The following ARHGEF18 variants were observed in gnomAD, a reference collection of about 807,000 sequenced individuals.
The protein encoded by ARHGEF18 is Rho/Rac guanine nucleotide exchange factor 18, also known as rho guanine nucleotide exchange factor 18.
A neutral mutation model predicts 155.7 loss-of-function variants in ARHGEF18; 93 were observed. That is an observed-to-expected ratio of 0.60 (90% CI 0.50 to 0.71). The LOEUF (loss-of-function observed/expected upper bound fraction) is 0.71. Among genes scored for constraint, ARHGEF18 ranks in the 30% least tolerant of loss-of-function variants. The pLI is 0.00. For synonymous variants in ARHGEF18, 742 were observed against 753.1 expected (o/e 0.99, Z 0.24); for missense variants, 1,593 against 1,816.1 (o/e 0.88, Z 2.23).
At chr19:7,456,924 C>T (rs1028194977) in intron 18 of ARHGEF18, among the ~76,000 whole-genome samples, 14 of 151,972 alleles carry the variant, frequency 9.2e-5, no homozygotes, top group Middle Eastern at 3.4e-3. Flanking sequence ...TTAGTAGAGA[C>T]GGGGTTTCAC....
chr19:7,356,998 G>A (rs1969334070), intron 1 of ARHGEF18, among the ~76,000 whole-genome samples: 1 of 152,180 alleles, frequency 6.6e-6, no homozygotes, highest in African/African-American at 2.4e-5. Flanking sequence ...GGGGAGAGAG[G>A]ATGGCCTGGG....
At chr19:7,392,936 A>G (rs1971484328) in intron 10 of ARHGEF18, among the ~76,000 whole-genome samples, 1 of 148,546 alleles carries the variant, frequency 6.7e-6, no homozygotes, top group African/African-American at 2.5e-5. Flanking sequence ...GGTCCCAGCT[A>G]CTTGGGAGGC....
intron 10 of ARHGEF18, chr19:7,439,752 C>A: frequency 7.2e-7 from 1 of 1,391,336 alleles, no homozygotes; most frequent in Non-Finnish European, 9.3e-7. Flanking sequence ...GATTAATTAT[C>A]ATCATGTGCG....
chr19:7,401,832 G>A (rs1054164204), intron 10 of ARHGEF18, among the ~76,000 whole-genome samples: 1 of 152,100 alleles, frequency 6.6e-6, no homozygotes, highest in African/African-American at 2.4e-5. Context: ...CAACCTAAAT[G>A]TTCATCAGCT....
intron 10 of ARHGEF18, among the ~76,000 whole-genome samples, chr19:7,385,818 GATCTAT>G (rs1970981870): frequency 1.0e-5 from 1 of 97,620 alleles, no homozygotes; most frequent in African/African-American, 5.3e-5. Context: ...TTAGAGATAG[GATCTAT>G]CTCTCTCTAT....
intron 1 of ARHGEF18, among the ~76,000 whole-genome samples, chr19:7,360,954 G>A (rs1473681579): frequency 6.6e-6 from 1 of 152,164 alleles, no homozygotes; most frequent in East Asian, 1.9e-4. Flanking sequence ...GCTCGTTACT[G>A]TCCAGCCACT....
intron 10 of ARHGEF18, chr19:7,390,643 T>C (rs1173831070): frequency 6.6e-6 from 1 of 152,228 alleles, no homozygotes; most frequent in African/African-American, 2.4e-5. Flanking sequence ...CTTCATTTTT[T>C]GTTATTGTCA....
intron 22 of ARHGEF18, 88 bp downstream of exon 22, chr19:7,464,043 T>G: frequency 6.9e-7 from 1 of 1,447,682 alleles, no homozygotes; most frequent in East Asian, 2.5e-5. Context: ...GAACTTTCTT[T>G]TTTGTTGTTG....
chr19:7,447,297 T>C (rs1975060935), intron 15 of ARHGEF18, 129 bp downstream of exon 15: 2 of 783,192 alleles, frequency 2.6e-6, no homozygotes, highest in Non-Finnish European at 3.8e-6. Context: ...GAGACCGTCC[T>C]GGCCAACATG....
chr19:7,392,240 CA>C (rs3997574), intron 10 of ARHGEF18, among the ~76,000 whole-genome samples: 18,814 of 72,024 alleles, frequency 0.26, 619 homozygotes, highest in East Asian at 0.39. Context: ...GACTCCGTCT[CA>C]AAAAAAAAAA....
rs1037958722 is a variant in ARHGEF18, at chr19:7,383,168, G to A, written c.932G>A (p.Ser311Asn). 1.7e-5 allele frequency: 21 copies of A among 1,232,266 alleles called. No homozygotes were observed. Among genetic ancestry groups the A allele is most frequent in the Middle Eastern group, 6.2e-4 (2 of 3,208 alleles). The allele number at this position is 1,232,266 out of a possible 1,614,324, so 76.3% of individuals were successfully genotyped here. A position where few individuals can be genotyped will look rare whatever the true frequency, so the allele number is the denominator to read the frequency against. ...CAAGGGACCTTCTCCGGCCCCTCCA[G>A]CTGCCCCCTGTGTGGCAAACCTTTC... ...LLQGTFSGPS[S>N]CPLCGKPFLS... Residue 311 changes from serine to asparagine, a missense_variant, in exon 10 of 29, where the codon AGC (serine) becomes AAC (asparagine). By Grantham distance (46) the Ser-to-Asn change is conservative. Transcript: ENST00000668164.
chr19:7,367,285 T>C (rs748745072), intron 2 of ARHGEF18, among the ~76,000 whole-genome samples: 1 of 151,992 alleles, frequency 6.6e-6, no homozygotes, highest in Non-Finnish European at 1.5e-5. Context: ...TTGACTGAGG[T>C]CTTTTTACCC....
At chr19:7,460,679 A>G (rs1194809511) in intron 20 of ARHGEF18, among the ~76,000 whole-genome samples, 1 of 152,060 alleles carries the variant, frequency 6.6e-6, no homozygotes, top group East Asian at 1.9e-4. Flanking sequence ...GAGGTGTGGT[A>G]TTAAGGTTCG....
At chr19:7,431,848 C>G (rs1600416637) in intron 10 of ARHGEF18, among the ~76,000 whole-genome samples, 1 of 152,318 alleles carries the variant, frequency 6.6e-6, no homozygotes, top group East Asian at 1.9e-4. Flanking sequence ...CAGGACACAG[C>G]CTGGAATGCA....
In ARHGEF18 at chr19:7,453,567, G is replaced by C; in HGVS notation, c.1956G>C (p.Gln652His). The part of the protein sequence containing the change: ...DAKVSECEKG[Q>H]RLREIAGKMD... ...AGGTCAGTGAGTGTGAGAAGGGCCA[G>C]CGCCTCAGGGAGATCGCAGGGAAGA... Residue 652 changes from glutamine (Q) to histidine (H), a missense_variant, in exon 17 of 29, where the codon CAG becomes CAC. Coordinates refer to ENST00000668164, the MANE Select transcript of ARHGEF18 (RefSeq NM_001367823.1). 2 of 1,614,036 alleles carry C rather than the reference G, an allele frequency of 1.2e-6. No homozygotes were observed. The highest frequency in any genetic ancestry group is 1.7e-6 in the Non-Finnish European group (2 of 1,179,956).
Position 7,395,161 on chromosome 19 carries a change from C to T in ARHGEF18, c.967+11958C>T. ...CTCCCAGCTGCTAGCTACTGTGGAT[C>T]TGGGGGGGCCGGACGGAGGCATCGG... is the stretch of plus-strand genomic sequence containing the variant. On this transcript the variant is annotated intron_variant, in intron 10 of 28. Coordinates refer to ENST00000668164, the MANE Select transcript of ARHGEF18 (RefSeq NM_001367823.1). The surrounding 1 kb of genome is among the most constrained non-coding windows in gnomAD (Gnocchi z 5.0). 2 of 985,954 alleles carry T rather than the reference C, an allele frequency of 2.0e-6. No homozygotes were observed. Among genetic ancestry groups the T allele is most frequent in the Non-Finnish European group, 2.4e-6 (2 of 830,328 alleles). 61.1% of individuals were successfully genotyped at this position (985,954 alleles called of 1,614,324 possible).
At chr19:7,355,110 A>G (rs1969254191) in intron 1 of ARHGEF18, among the ~76,000 whole-genome samples, 1 of 140,622 alleles carries the variant, frequency 7.1e-6, no homozygotes, top group African/African-American at 2.9e-5. Flanking sequence ...ACACACACAC[A>G]CACAGACAAT....
intron 10 of ARHGEF18, among the ~76,000 whole-genome samples, chr19:7,389,190 G>T (rs1971251234): frequency 6.9e-6 from 1 of 145,918 alleles, no homozygotes; most frequent in African/African-American, 2.5e-5. Context: ...TCGCTCTGTT[G>T]CCCAGGCTGG....
rs148894005 is a variant in ARHGEF18, at chr19:7,449,002, C to T, written c.1737+1834C>T. On this transcript the variant is annotated intron_variant, in intron 15 of 28. Transcript: ENST00000668164. ...GTGGTCCAAAGTTAGGAGTGACATG[C>T]GTTTAAACTTCATTGCATTATAGGT... Among the ~76,000 whole-genome samples the T allele has an allele frequency of 5.7e-3, 869 of 152,126 alleles. 4 individuals are homozygous for T. The highest frequency in any genetic ancestry group is 9.0e-3 in the Non-Finnish European group (610 of 68,014).
Sources: gnomAD v4.1 joint callset for allele counts (sites outside exome capture counted in the v4.1 genomes callset) on GRCh38, gnomAD v4.1.1 for gene constraint, Gnocchi (gnomAD v3.1) non-coding constraint, MANE v1.5 for transcripts, NCBI Gene and HGNC (gene_info 2026-07-23, HGNC 2026-07-21) for gene names.